Variants in SYNPO2 observed in about 807,000 individuals in gnomAD.
SYNPO2 encodes synaptopodin-2.
A neutral mutation model predicts 85.0 loss-of-function variants in SYNPO2; 56 were observed. The observed-to-expected ratio is 0.66, with a 90% confidence interval of 0.53 to 0.82. The LOEUF is 0.82. Among genes scored for constraint, SYNPO2 ranks in the 40% least tolerant of loss-of-function variants. SYNPO2 has a pLI of 0.00. For synonymous variants in SYNPO2, 602 were observed against 591.1 expected, an observed-to-expected ratio of 1.02 and a Z score of -0.27; for missense variants, 1,575 against 1,534.2, an observed-to-expected ratio of 1.03 and a Z score of -0.44.
At chr4:119,001,640 T>C (rs1321849728) in intron 1 of SYNPO2, among the ~76,000 whole-genome samples, 1 of 152,180 alleles carries the variant, frequency 6.6e-6, no homozygotes, top group African/African-American at 2.4e-5. Flanking sequence ...AAAATTTAGT[T>C]CTTATTCTTT....
rs562182480 is a variant in SYNPO2 at position 118,978,015 on chromosome 4, G to A, written c.106-45415G>A. The stretch of plus-strand genomic sequence containing the variant: ...ATAGTTTTGTTGTTATCAAGTTGCC[G>A]TTGCATGAATATTTTATGAGGGAAT... On this transcript the variant is annotated intron_variant, in intron 1 of 4. Transcript: ENST00000307142. Among the ~76,000 whole-genome samples, 12 of 152,266 alleles carry A rather than the reference G, an allele frequency of 7.9e-5. No individual in the cohort carries two copies. In the East Asian group the frequency reaches 1.7e-3, roughly 22 times the overall value.
intron 4 of SYNPO2, chr4:119,032,572 A>G: frequency 1.0e-6 from 1 of 996,480 alleles, no homozygotes; most frequent in Non-Finnish European, 1.2e-6. Flanking sequence ...CACCTGTTTG[A>G]TATCACAGAG....
intron 1 of SYNPO2, among the ~76,000 whole-genome samples, chr4:118,984,978 C>T: frequency 6.6e-6 from 1 of 152,268 alleles, no homozygotes; most frequent in East Asian, 1.9e-4. Flanking sequence ...TTAAGAAGTA[C>T]AAAGCTCAAT....
At chr4:118,916,961 C>T (rs1193955040) in intron 1 of SYNPO2, among the ~76,000 whole-genome samples, 1 of 152,156 alleles carries the variant, frequency 6.6e-6, no homozygotes, top group East Asian at 1.9e-4. Context: ...TCTCCAGCCC[C>T]TTGCCACAAG....
chr4:118,989,642 T>C (rs1055265356), intron 1 of SYNPO2, among the ~76,000 whole-genome samples: 1 of 152,264 alleles, frequency 6.6e-6, no homozygotes, highest in Non-Finnish European at 1.5e-5. Context: ...ATGTGTCATA[T>C]AGTCATGCTT....
At position 119,034,611 on chromosome 4, in the gene SYNPO2, C is replaced by G. The variant is rs867928165; in HGVS notation, c.3252+2584C>G. ...AGCATAGGTCTCATCTTGGACCATA[C>G]AGTCCCACTTTATAGAAGAGGGTGG... On this transcript the variant is annotated intron_variant, in intron 4 of 4. Transcript: ENST00000307142. The G allele has an allele frequency of 3.5e-5, 34 of 985,340 alleles. No individual in the cohort carries two copies. In the South Asian group the frequency reaches 6.1e-4, roughly 18 times the overall value. The allele number at this position is 985,340 out of a possible 1,614,324, so 61.0% of individuals were successfully genotyped here. A position where few individuals can be genotyped will look rare whatever the true frequency, so the allele number is the denominator to read the frequency against.
At chr4:118,863,795 A>C (rs1731655051) in intron 1 of SYNPO2, among the ~76,000 whole-genome samples, 1 of 152,126 alleles carries the variant, frequency 6.6e-6, no homozygotes, top group African/African-American at 2.4e-5. Flanking sequence ...CGTTTTTAAT[A>C]GAGAAGGGGT....
intron 2 of SYNPO2, among the ~76,000 whole-genome samples, chr4:119,024,259 G>A (rs1032625469): frequency 1.3e-5 from 2 of 152,158 alleles, no homozygotes; most frequent in African/African-American, 2.4e-5. Flanking sequence ...CTACAGCATT[G>A]ACATTTTTAT....
intron 1 of SYNPO2, among the ~76,000 whole-genome samples, chr4:118,955,342 A>G (rs1734838914): frequency 6.6e-6 from 1 of 152,152 alleles, no homozygotes; most frequent in Non-Finnish European, 1.5e-5. Context: ...GCCTCAGAGA[A>G]AGTGAAACAT....
intron 4 of SYNPO2, among the ~76,000 whole-genome samples, chr4:119,052,137 A>T (rs2149200777): frequency 6.6e-6 from 1 of 152,292 alleles, no homozygotes; most frequent in African/African-American, 2.4e-5. Flanking sequence ...TTGGAGGGAA[A>T]GGGACAGGCT....
rs1739391215 is a variant in SYNPO2, at chr4:119,060,873, G to A, written c.*2939G>A. The A allele has an allele frequency of 6.6e-6, 1 of 151,864 alleles. No homozygotes were observed. The highest frequency in any genetic ancestry group is 2.1e-4 in the South Asian group (1 of 4,824). The allele number at this position is 151,864 out of a possible 1,614,324, so 9.4% of individuals were successfully genotyped here. A position where few individuals can be genotyped will look rare whatever the true frequency, so the allele number is the denominator to read the frequency against. ...TGTATTTTGAGTTTCTTAAATGCGT[G>A]GATTCTTGTTCATTTATCTCTGAAT... On this transcript the variant is annotated 3_prime_UTR_variant, in exon 5 of 5. Transcript: ENST00000307142.
At chr4:118,940,641 G>A (rs1402402034) in intron 1 of SYNPO2, among the ~76,000 whole-genome samples, 1 of 152,056 alleles carries the variant, frequency 6.6e-6, no homozygotes, top group Non-Finnish European at 1.5e-5. Context: ...GGGTGCGGTC[G>A]GACCCCCACC....
At chr4:118,884,820 A>T (rs1435731932), upstream of SYNPO2, among the ~76,000 whole-genome samples, 2 of 152,114 alleles carry the variant, frequency 1.3e-5, no homozygotes, top group Non-Finnish European at 2.9e-5. Flanking sequence ...AGACTTGGGG[A>T]TAGAATTCTG....
Position 119,030,866 on chromosome 4 carries a change from T to C in SYNPO2, c.2091T>C (p.Phe697=). The part of the protein sequence containing the change: ...AKRRSTTKPM[F]TFKEPKVSPN... ...GGAGAAGCACGACAAAACCCATGTT[T>C]ACTTTTAAAGAGCCCAAAGTAAGCC... Residue 697 remains phenylalanine (F), a synonymous_variant, in exon 4 of 5, where the codon TTT becomes TTC. Coordinates refer to ENST00000307142, the MANE Select transcript of SYNPO2 (RefSeq NM_133477.3). 6.2e-7 allele frequency: 1 copy of C among 1,614,192 alleles called. No homozygotes were observed. Among genetic ancestry groups the C allele is most frequent in the Non-Finnish European group, 8.5e-7 (1 of 1,180,042 alleles).
intron 4 of SYNPO2, chr4:119,033,541 C>A: frequency 1.0e-6 from 1 of 985,370 alleles, no homozygotes; most frequent in Non-Finnish European, 1.2e-6. Context: ...GCATTTATGA[C>A]AGCTCCAAGA....
intron 1 of SYNPO2, among the ~76,000 whole-genome samples, chr4:118,995,356 G>A (rs1334296803): frequency 6.6e-6 from 1 of 152,094 alleles, no homozygotes; most frequent in African/African-American, 2.4e-5. Flanking sequence ...CCCAATATAT[G>A]TGATGATAGC....
intron 1 of SYNPO2, among the ~76,000 whole-genome samples, chr4:119,004,186 C>A (rs931660622): frequency 6.6e-6 from 1 of 152,084 alleles, no homozygotes; most frequent in Non-Finnish European, 1.5e-5. Flanking sequence ...GTTCACTATT[C>A]CCAAGTCTGT....
At chr4:118,974,254 G>A (rs36116256) in intron 1 of SYNPO2, among the ~76,000 whole-genome samples, 22,986 of 152,202 alleles carry the variant, frequency 0.15, 2,027 homozygotes, top group East Asian at 0.28. Flanking sequence ...TCTCACACAG[G>A]TATTGTATCT....
At chr4:119,029,452 A>T (rs190884775) in intron 3 of SYNPO2, among the ~76,000 whole-genome samples, 6 of 152,282 alleles carry the variant, frequency 3.9e-5, no homozygotes, top group African/African-American at 1.2e-4. Context: ...ATATGGAAGT[A>T]TGAGATATGT....
Sources: gnomAD v4.1 joint callset for allele counts (sites outside exome capture counted in the v4.1 genomes callset) on GRCh38, gnomAD v4.1.1 for gene constraint, MANE v1.5 for transcripts, NCBI Gene and HGNC (gene_info 2026-07-23, HGNC 2026-07-21) for gene names.